IFT88: variants seen among roughly 807,000 people sequenced by gnomAD.
The protein encoded by IFT88 is intraflagellar transport 88, also known as intraflagellar transport protein 88 homolog.
IFT88 carries 74 observed loss-of-function variants against 119.5 expected under a neutral mutation model. The ratio of observed to expected loss-of-function variants is 0.62; its 90% confidence interval spans 0.51 to 0.75. The LOEUF (loss-of-function observed/expected upper bound fraction) is 0.75, where lower values mean the gene tolerates loss of function less well. Ranked by LOEUF, IFT88 falls within the 30% of genes least tolerant of loss-of-function variation. The probability of loss-of-function intolerance (pLI) is 0.00; values close to 1 mark genes in which losing one functional copy is unlikely to be tolerated. For missense variants in IFT88, 961 were observed against 977.7 expected, an observed-to-expected ratio of 0.98 and a Z score of 0.23; for synonymous variants, 279 against 316.7, an observed-to-expected ratio of 0.88 and a Z score of 1.26.
At chr13:20,569,710 A>G (rs1006578840) in intron 1 of IFT88, among the ~76,000 whole-genome samples, 5 of 151,606 alleles carry the variant, frequency 3.3e-5, no homozygotes, top group Non-Finnish European at 7.4e-5. Context: ...CAGGATCCTT[A>G]TAATTCATGT....
intron 16 of IFT88, among the ~76,000 whole-genome samples, chr13:20,637,982 G>C (rs994952949): frequency 1.2e-4 from 18 of 152,242 alleles, no homozygotes; most frequent in Admixed American, 9.8e-4. Flanking sequence ...CTAGGGGCAA[G>C]AAGGGTAGTG....
intron 17 of IFT88, among the ~76,000 whole-genome samples, chr13:20,640,098 CT>C (rs537784742): frequency 8.0e-4 from 121 of 151,868 alleles, no homozygotes; most frequent in South Asian, 3.3e-3. Flanking sequence ...CCAAATTTGT[CT>C]TTTTAAATAA....
chr13:20,680,679 T>A (rs956301704), intron 24 of IFT88, among the ~76,000 whole-genome samples: 37 of 152,174 alleles, frequency 2.4e-4, no homozygotes, highest in Admixed American at 2.2e-3. Flanking sequence ...TTCCTTATTG[T>A]CAGTCTCAAC....
intron 1 of IFT88, chr13:20,568,017 A>C (rs751294205): frequency 1.4e-6 from 1 of 713,894 alleles, no homozygotes; most frequent in African/African-American, 1.7e-5. Flanking sequence ...GAGCTTTAAA[A>C]AAAATCGCAA....
At chr13:20,568,224 A>G (rs1232835650) in intron 1 of IFT88, among the ~76,000 whole-genome samples, 1 of 152,198 alleles carries the variant, frequency 6.6e-6, no homozygotes, top group Non-Finnish European at 1.5e-5. Flanking sequence ...TATTAAACAT[A>G]GGTGGCATCA....
chr13:20,630,465 A>C (rs2048031573), intron 15 of IFT88, among the ~76,000 whole-genome samples: 1 of 152,210 alleles, frequency 6.6e-6, no homozygotes, highest in African/African-American at 2.4e-5. Context: ...ATTTGATCAC[A>C]TCTCTTAGGC....
chr13:20,626,039 GTTTCTT>G (rs2047244960), intron 15 of IFT88, among the ~76,000 whole-genome samples, 190 bp downstream of exon 15: 3 of 62,454 alleles, frequency 4.8e-5, no homozygotes, highest in Non-Finnish European at 9.2e-5. Context: ...CCTGTTTGTC[GTTTCTT>G]TTTTTTTTTT....
At chr13:20,581,230 A>C (rs533960266) in intron 2 of IFT88, among the ~76,000 whole-genome samples, 1 of 152,356 alleles carries the variant, frequency 6.6e-6, no homozygotes, top group South Asian at 2.1e-4. Flanking sequence ...TAAATGAATT[A>C]CTTGCAGCAG....
rs574349386 is a variant in IFT88 at position 20,680,860 on chromosome 13, C to T, written c.2242+9821C>T. On this transcript the variant is annotated intron_variant, in intron 24 of 25. Transcript: ENST00000351808. ...TTATTATTTTACCTATTTCCCAACT[C>T]GTTGTTATCGAATCTCTCCACCAAA... is the stretch of plus-strand genomic sequence containing the variant. Among the ~76,000 whole-genome samples the T allele has an allele frequency of 6.6e-5, 10 of 152,296 alleles. No individual in the cohort carries two copies. The South Asian group carries it at 1.7e-3, about 25-fold the overall frequency.
chr13:20,675,280 G>T (rs1471190437), intron 24 of IFT88, among the ~76,000 whole-genome samples: 4 of 152,088 alleles, frequency 2.6e-5, no homozygotes, highest in Non-Finnish European at 5.9e-5. Flanking sequence ...GGCGGGTGCT[G>T]TCACTTCTCT....
At chr13:20,600,105 A>G (rs544526471) in intron 11 of IFT88, among the ~76,000 whole-genome samples, 1 of 152,284 alleles carries the variant, frequency 6.6e-6, no homozygotes, top group East Asian at 1.9e-4. Flanking sequence ...CCCTAGGCAC[A>G]GTACAGTTTC....
chr13:20,690,298 C>G (rs2058352984), intron 24 of IFT88, among the ~76,000 whole-genome samples: 1 of 152,114 alleles, frequency 6.6e-6, no homozygotes, highest in Non-Finnish European at 1.5e-5. Context: ...AAAAGTACTA[C>G]TAACATTTCC....
At chr13:20,584,738 A>T (rs1052419709) in intron 3 of IFT88, among the ~76,000 whole-genome samples, 2 of 152,178 alleles carry the variant, frequency 1.3e-5, no homozygotes, top group South Asian at 4.1e-4. Context: ...AGAAAGTTCT[A>T]TCCCTAATGT....
intron 21 of IFT88, 78 bp downstream of exon 21, chr13:20,654,006 C>CA (rs1253244286): frequency 1.4e-6 from 1 of 717,426 alleles, no homozygotes; most frequent in African/African-American, 1.8e-5. Context: ...AAATGTGATC[C>CA]AGTTGCATAT....
intron 13 of IFT88, among the ~76,000 whole-genome samples, chr13:20,611,162 C>A (rs9509300): frequency 0.4 from 60,165 of 151,244 alleles, 13,751 homozygotes; most frequent in Non-Finnish European, 0.52. Context: ...ACTACACAAC[C>A]ATCTCAGTAG....
At chr13:20,646,484 T>C (rs1413283816) in intron 20 of IFT88, among the ~76,000 whole-genome samples, 4 of 151,668 alleles carry the variant, frequency 2.6e-5, no homozygotes, top group Admixed American at 2.0e-4. Flanking sequence ...TGTTTTTGTT[T>C]TTGTTTTTGT....
rs551104039 is a variant in IFT88 at position 20,620,007 on chromosome 13, C to T, written c.1199+4128C>T. The stretch of plus-strand genomic sequence containing the variant: ...TGAATATTATTTTTTGAGAAGTGCC[C>T]GTTCAAGACTTTTGCCCTTGTTTCT... On this transcript the variant is annotated intron_variant, in intron 14 of 25. Transcript: ENST00000351808. 1.2e-4 allele frequency among the ~76,000 whole-genome samples: 18 copies of T among 152,092 alleles called. No homozygotes were observed. In the East Asian group the frequency reaches 2.3e-3, roughly 20 times the overall value.
chr13:20,632,302 CT>C (rs1392790399), intron 16 of IFT88, among the ~76,000 whole-genome samples: 5 of 152,198 alleles, frequency 3.3e-5, no homozygotes, highest in African/African-American at 1.2e-4. Flanking sequence ...AGATTTAATT[CT>C]GTCCTGCATG....
chr13:20,600,704 G>A (rs1044733663), intron 11 of IFT88, among the ~76,000 whole-genome samples: 22 of 57,094 alleles, frequency 3.9e-4, no homozygotes, highest in African/African-American at 1.4e-3. Flanking sequence ...AAAACAGGCA[G>A]TTAGCTAAAA....
Sources: gnomAD v4.1 joint callset for allele counts (sites outside exome capture counted in the v4.1 genomes callset) on GRCh38, gnomAD v4.1.1 for gene constraint, MANE v1.5 for transcripts, NCBI Gene and HGNC (gene_info 2026-07-23, HGNC 2026-07-21) for gene names.